Variants in RTN4 observed in about 807,000 individuals in gnomAD.
The protein encoded by RTN4 is reticulon 4, also known as reticulon-4.
In RTN4, 32 loss-of-function variants were observed where a neutral mutation model predicts 90.4. The ratio of observed to expected loss-of-function variants is 0.35; its 90% confidence interval spans 0.27 to 0.48. The LOEUF (loss-of-function observed/expected upper bound fraction) is 0.48, where lower values mean the gene tolerates loss of function less well. Among genes scored for constraint, RTN4 ranks in the 20% least tolerant of loss-of-function variants. RTN4 has a pLI of 0.99. For missense variants in RTN4, 1,706 were observed against 1,430.2 expected, an observed-to-expected ratio of 1.19 and a Z score of -3.11; for synonymous variants, 629 against 552.5, an observed-to-expected ratio of 1.14 and a Z score of -1.94.
intron 2 of RTN4, among the ~76,000 whole-genome samples, chr2:55,062,916 T>G (rs977309544): frequency 2.6e-5 from 4 of 152,202 alleles, no homozygotes; most frequent in African/African-American, 7.2e-5. Context: ...GTATTTGCCT[T>G]CCTGACTCCA....
At chr2:55,077,531 G>A (rs1191771482) in intron 2 of RTN4, among the ~76,000 whole-genome samples, 1 of 152,018 alleles carries the variant, frequency 6.6e-6, no homozygotes, top group Non-Finnish European at 1.5e-5. Context: ...ATGAAAACTA[G>A]TACAACCACT....
chr2:55,113,205 G>A (rs554147118), upstream of RTN4, among the ~76,000 whole-genome samples: 5 of 152,326 alleles, frequency 3.3e-5, no homozygotes, highest in East Asian at 3.9e-4. Flanking sequence ...TTTCTTCTGC[G>A]AGGAGGGTAA....
intron 1 of RTN4, among the ~76,000 whole-genome samples, chr2:55,106,400 G>A (rs1213978822): frequency 2.0e-5 from 3 of 152,102 alleles, no homozygotes; most frequent in Admixed American, 6.6e-5. Context: ...CTGGGACTGA[G>A]TTTGTTATCT....
rs1315346778 is a variant in RTN4 at position 55,027,005 on chromosome 2, G to C, written c.1094C>G (p.Ala365Gly). The C allele has an allele frequency of 6.2e-7, 1 of 1,613,406 alleles. No homozygotes were observed. The highest frequency in any genetic ancestry group is 8.5e-7 in the Non-Finnish European group (1 of 1,179,856). ...KEDEVVSSEK[A>G]KDSFNEKRVA... ...TCTCTTTTCATTAAAACTGTCTTTT[G>C]CTTTTTCTGAAGACACAACTTCATC... The change falls in exon 3 of 9, where the codon GCA (alanine) becomes GGA (glycine). Residue 365 changes from alanine (A) to glycine (G), a missense_variant. Ala to Gly is a moderately conservative substitution (Grantham distance 60). Coordinates refer to ENST00000337526, the MANE Select transcript of RTN4 (RefSeq NM_020532.5).
intron 3 of RTN4, among the ~76,000 whole-genome samples, chr2:55,003,475 T>TAC (rs1000909224): frequency 2.6e-5 from 4 of 152,054 alleles, no homozygotes; most frequent in Non-Finnish European, 4.4e-5. Flanking sequence ...TTAAAAAAAA[T>TAC]ACACACACAC....
intron 2 of RTN4, among the ~76,000 whole-genome samples, chr2:55,067,681 C>T (rs1433051408): frequency 6.6e-6 from 1 of 152,164 alleles, no homozygotes; most frequent in Non-Finnish European, 1.5e-5. Context: ...TCCCAAAGTG[C>T]TGGGATTACA....
In RTN4 at chr2:55,025,556, GAAAT is replaced by G; in HGVS notation, c.2539_2542del (p.Ile847LeufsTer6). On this transcript the variant is annotated frameshift_variant, in exon 3 of 9. Coordinates refer to ENST00000337526, the MANE Select transcript of RTN4 (RefSeq NM_020532.5). LOFTEE classifies it high-confidence loss of function. Reference sequence around the variant, plus strand: ...AGTTTCTCTTATCTGTGCTTCCTTAGAAATAAATAAGTCATCATTTGAATAAACT... The same window carrying G: ...AGTTTCTCTTATCTGTGCTTCCTTAGAAATAAGTCATCATTTGAATAAACT... 1 of 1,613,668 alleles carries G rather than the reference GAAAT, an allele frequency of 6.2e-7. No individual in the cohort carries two copies. The highest frequency in any genetic ancestry group is 1.1e-5 in the South Asian group (1 of 91,060).
intron 5 of RTN4, among the ~76,000 whole-genome samples, chr2:54,979,978 T>C (rs1677983672): frequency 6.6e-6 from 1 of 152,156 alleles, no homozygotes; most frequent in Admixed American, 6.5e-5. Flanking sequence ...TAAGGATAAA[T>C]TATAATTTTA....
chr2:55,027,528 T>A, intron 2 of RTN4, 43 bp from the exon 3 acceptor site: 1 of 1,545,842 alleles, frequency 6.5e-7, no homozygotes, highest in Non-Finnish European at 8.7e-7. Flanking sequence ...ATGCCAGTGT[T>A]CTCAGAGTTA....
At chr2:55,132,931 G>T in the RTN4 span, among the ~76,000 whole-genome samples, 1 of 150,858 alleles carries the variant, frequency 6.6e-6, no homozygotes, top group African/African-American at 2.4e-5. Flanking sequence ...AAAAAACATG[G>T]CCGGGTGTGG....
intron 1 of RTN4, among the ~76,000 whole-genome samples, chr2:55,108,733 C>T (rs183236778): frequency 7.9e-5 from 12 of 152,134 alleles, no homozygotes; most frequent in South Asian, 2.1e-4. Context: ...AAAGTAATTG[C>T]GGTTTTTGCC....
chr2:54,997,093 C>T lies in RTN4; in HGVS notation c.3014-9395G>A, dbSNP rs544144479. On this transcript the variant is annotated intron_variant, in intron 3 of 8. Coordinates refer to ENST00000337526, the MANE Select transcript of RTN4 (RefSeq NM_020532.5). ...TAAAGTGGAAAGATACCACACAGAA[C>T]GAGAGAAAACACTTGCAAACCAATT... 1.4e-4 allele frequency among the ~76,000 whole-genome samples: 21 copies of T among 152,214 alleles called. 1 individual carries two copies. Among genetic ancestry groups the T allele is most frequent in the African/African-American group, 4.3e-4 (18 of 41,544 alleles).
upstream of RTN4, among the ~76,000 whole-genome samples, chr2:55,114,549 A>G (rs1003867286): frequency 2.0e-5 from 3 of 152,140 alleles, no homozygotes; most frequent in African/African-American, 7.2e-5. Context: ...AAATACAAAA[A>G]TTAGATGAGC....
At chr2:55,024,252 C>A (rs778017071) in intron 3 of RTN4, among the ~76,000 whole-genome samples, 1 of 152,142 alleles carries the variant, frequency 6.6e-6, no homozygotes, top group Non-Finnish European at 1.5e-5. Flanking sequence ...AACACCAAGT[C>A]CTATGTCTCT....
rs541573653 is a variant in RTN4, at chr2:54,996,491, G to C, written c.3014-8793C>G. Among the ~76,000 whole-genome samples the C allele has an allele frequency of 6.6e-5, 10 of 152,288 alleles. No homozygotes were observed. In the South Asian group the frequency reaches 1.7e-3, roughly 25 times the overall value. On this transcript the variant is annotated intron_variant, in intron 3 of 8. Coordinates refer to ENST00000337526, the MANE Select transcript of RTN4 (RefSeq NM_020532.5). ...AGAGTAGTTACACAAGGACAAACAG[G>C]TAGATTAGTGGAATACAACTGATAA...
chr2:55,121,301 T>C, the RTN4 span, among the ~76,000 whole-genome samples: 7 of 152,162 alleles, frequency 4.6e-5, no homozygotes, highest in Non-Finnish European at 8.8e-5. Flanking sequence ...AGTATTATGA[T>C]AGAGGAAGCT....
At chr2:55,074,442 T>C (rs1051380916) in intron 2 of RTN4, among the ~76,000 whole-genome samples, 2 of 147,654 alleles carry the variant, frequency 1.4e-5, no homozygotes, top group African/African-American at 5.1e-5. Context: ...GGTTGAGGCT[T>C]CAATGAGCTG....
intron 5 of RTN4, among the ~76,000 whole-genome samples, chr2:54,981,468 C>G (rs533145054): frequency 3.9e-5 from 6 of 152,294 alleles, no homozygotes; most frequent in African/African-American, 1.4e-4. Flanking sequence ...ACCACCACTA[C>G]ATTTCTGCCC....
chr2:55,073,744 A>G lies in RTN4; in HGVS notation c.-63+6745T>C, dbSNP rs369682174. Among the ~76,000 whole-genome samples, 155 of 152,350 alleles carry G rather than the reference A, an allele frequency of 1.0e-3. 1 individual carries two copies. In the South Asian group the frequency reaches 0.025, roughly 24 times the overall value. ...CTGATTCTATGCACTGAAAATTTCA[A>G]TCTAACAGCTTGATTCACAGATGTT... On this transcript the variant is annotated intron_variant, in intron 2 of 3. Coordinates refer to the RTN4 transcript ENST00000427710.
Sources: allele counts gnomAD v4.1 joint callset (sites outside exome capture counted in the v4.1 genomes callset), GRCh38; gene constraint gnomAD v4.1.1; transcripts MANE v1.5; gene names NCBI Gene and HGNC (gene_info 2026-07-23, HGNC 2026-07-21).